Variants in DNAJC8 observed in about 807,000 individuals in gnomAD.
DNAJC8 encodes DnaJ heat shock protein family (Hsp40) member C8.
A neutral mutation model predicts 43.2 loss-of-function variants in DNAJC8; 24 were observed. That is an observed-to-expected ratio of 0.56 (90% CI 0.40 to 0.78). The LOEUF is 0.78. Among genes scored for constraint, DNAJC8 ranks in the 30% least tolerant of loss-of-function variants. DNAJC8 has a pLI of 0.00. For synonymous variants in DNAJC8, 83 were observed against 98.0 expected (o/e 0.85, Z 0.90); for missense variants, 207 against 299.4 (o/e 0.69, Z 2.28).
intron 3 of DNAJC8, among the ~76,000 whole-genome samples, chr1:28,213,963 C>T (rs1205178862): frequency 6.6e-6 from 1 of 152,024 alleles, no homozygotes; most frequent in Admixed American, 6.6e-5. Context: ...TTGCAGTGAG[C>T]CAAGATCACA....
chr1:28,202,981 T>G (rs966972783), intron 8 of DNAJC8, among the ~76,000 whole-genome samples: 2 of 152,196 alleles, frequency 1.3e-5, no homozygotes, highest in Admixed American at 6.5e-5. Flanking sequence ...TTAAATGATT[T>G]TCTAAAAGCC....
chr1:28,231,458 GT>G (rs1646974128), intron 1 of DNAJC8, among the ~76,000 whole-genome samples: 2 of 152,162 alleles, frequency 1.3e-5, no homozygotes, highest in African/African-American at 4.8e-5. Flanking sequence ...GCTCAAGCCT[GT>G]AATCCCAGCA....
chr1:28,212,784 C>A (rs1159717188), intron 3 of DNAJC8, among the ~76,000 whole-genome samples: 1 of 152,154 alleles, frequency 6.6e-6, no homozygotes, highest in South Asian at 2.1e-4. Flanking sequence ...AACCATTATG[C>A]TGGGTTCTAA....
At chr1:28,229,085 A>G in intron 1 of DNAJC8, 62 bp from the exon 2 acceptor site, 1 of 1,381,408 alleles carries the variant, frequency 7.2e-7, no homozygotes, top group Non-Finnish European at 1.0e-6. Flanking sequence ...AATTATCTTA[A>G]CAAAATGTTC....
intron 7 of DNAJC8, 47 bp from the exon 8 acceptor site, chr1:28,203,869 G>C: frequency 6.3e-7 from 1 of 1,581,912 alleles, no homozygotes; most frequent in Non-Finnish European, 8.7e-7. Context: ...CTTACAGACT[G>C]AATTAACCAT....
chr1:28,205,622 T>A (rs1286987394), intron 6 of DNAJC8, among the ~76,000 whole-genome samples: 1 of 152,184 alleles, frequency 6.6e-6, no homozygotes, highest in African/African-American at 2.4e-5. Flanking sequence ...GCGCAGTAGC[T>A]CACACCTGTA....
intron 5 of DNAJC8, 141 bp downstream of exon 5, chr1:28,209,831 C>A: frequency 1.5e-6 from 1 of 676,838 alleles, no homozygotes; most frequent in Non-Finnish European, 2.5e-6. Flanking sequence ...TATTCATGAC[C>A]ACCACAGCAA....
At chr1:28,211,447 C>G (rs1000276010) in intron 3 of DNAJC8, among the ~76,000 whole-genome samples, 2 of 152,190 alleles carry the variant, frequency 1.3e-5, no homozygotes, top group Non-Finnish European at 2.9e-5. Context: ...AATCTGAAAT[C>G]TGAAATACTT....
At chr1:28,218,485 T>C (rs1463128421) in intron 2 of DNAJC8, among the ~76,000 whole-genome samples, 1 of 151,908 alleles carries the variant, frequency 6.6e-6, no homozygotes, top group Non-Finnish European at 1.5e-5. Context: ...GGCATAATCA[T>C]AGGTCACTGC....
chr1:28,227,757 A>AACG (rs972484174), intron 2 of DNAJC8, among the ~76,000 whole-genome samples: 1 of 151,982 alleles, frequency 6.6e-6, no homozygotes, highest in African/African-American at 2.4e-5. Flanking sequence ...TAAAAAAGAA[A>AACG]AAGAAGAAGA....
intron 8 of DNAJC8, among the ~76,000 whole-genome samples, chr1:28,202,234 T>C (rs1447941215): frequency 6.6e-6 from 1 of 152,188 alleles, no homozygotes; most frequent in African/African-American, 2.4e-5. Context: ...GCCCCATTTG[T>C]TGGGGACCTC....
intron 6 of DNAJC8, among the ~76,000 whole-genome samples, chr1:28,206,427 A>G (rs1292959123): frequency 6.7e-6 from 1 of 149,646 alleles, no homozygotes; most frequent in Non-Finnish European, 1.5e-5. Flanking sequence ...TAGAATGTAT[A>G]ATATCCACTA....
chr1:28,232,761 A>G (rs1646989244), intron 1 of DNAJC8, among the ~76,000 whole-genome samples, 160 bp downstream of exon 1: 1 of 152,110 alleles, frequency 6.6e-6, no homozygotes, highest in South Asian at 2.1e-4. Flanking sequence ...AGCAGCTATC[A>G]GTGGGAGACG....
In DNAJC8 at chr1:28,208,343, A is replaced by G; in HGVS notation, c.470T>C (p.Leu157Pro). 6.2e-7 allele frequency: 1 copy of G among 1,612,126 alleles called. No individual in the cohort carries two copies. Among genetic ancestry groups the G allele is most frequent in the South Asian group, 1.1e-5 (1 of 90,808 alleles). Residue 157 changes from leucine to proline, a missense_variant and splice_region_variant, in exon 6 of 9, where the codon CTG becomes CCG. By Grantham distance (98) the Leu-to-Pro change is moderately conservative. Transcript: ENST00000263697. ...PTIVEEDDPE[L>P]FKQAVYKQTM... ...TGGCTTTTCCTATATTTAACTCACC[A>G]GCTCAGGATCATCCTCCTCTACAAT...
chr1:28,216,562 T>C (rs11247762), intron 2 of DNAJC8, among the ~76,000 whole-genome samples: 12 of 152,110 alleles, frequency 7.9e-5, no homozygotes, highest in South Asian at 2.1e-4. Context: ...AAAATAAATT[T>C]TGCTGTGTGT....
At chr1:28,209,184 C>T (rs1016142296) in intron 5 of DNAJC8, among the ~76,000 whole-genome samples, 10 of 152,224 alleles carry the variant, frequency 6.6e-5, no homozygotes, top group Non-Finnish European at 2.9e-5. Flanking sequence ...CCATTTCCAA[C>T]ACATGACCCG....
chr1:28,207,078 A>C (rs1378106322), intron 6 of DNAJC8, among the ~76,000 whole-genome samples: 1 of 151,984 alleles, frequency 6.6e-6, no homozygotes, highest in East Asian at 1.9e-4. Flanking sequence ...GAAAAAAAAA[A>C]ACAACTGAAA....
intron 8 of DNAJC8, among the ~76,000 whole-genome samples, chr1:28,201,759 A>T (rs1478499141): frequency 6.7e-6 from 1 of 150,322 alleles, no homozygotes; most frequent in African/African-American, 2.5e-5. Flanking sequence ...ACTGCACTCC[A>T]GCCTGAACAA....
intron 1 of DNAJC8, among the ~76,000 whole-genome samples, chr1:28,231,772 A>AT (rs1487771477): frequency 6.6e-6 from 1 of 151,436 alleles, no homozygotes; most frequent in African/African-American, 2.4e-5. Context: ...TCTTCCAAGA[A>AT]TTTTTTTCTT....
Sources: gnomAD v4.1 joint callset for allele counts (sites outside exome capture counted in the v4.1 genomes callset) on GRCh38, gnomAD v4.1.1 for gene constraint, MANE v1.5 for transcripts, NCBI Gene and HGNC (gene_info 2026-07-23, HGNC 2026-07-21) for gene names.